RUFY4: variants seen among roughly 807,000 people sequenced by gnomAD.
RUFY4 encodes RUN and FYVE domain-containing protein 4.
A neutral mutation model predicts 69.0 loss-of-function variants in RUFY4; 73 were observed. The observed-to-expected ratio is 1.06, with a 90% CI of 0.88 to 1.29. RUFY4 has a LOEUF of 1.29. Ranked by LOEUF, RUFY4 falls within the 50% of genes most tolerant of loss-of-function variation. RUFY4 has a pLI of 0.00. For missense variants in RUFY4, 770 were observed against 705.6 expected, an observed-to-expected ratio of 1.09 and a Z score of -1.03; for synonymous variants, 287 against 271.8, an observed-to-expected ratio of 1.06 and a Z score of -0.55.
intron 3 of RUFY4, 35 bp from the exon 6 acceptor site, chr2:218,072,744 T>G: frequency 2.1e-6 from 3 of 1,457,920 alleles, no homozygotes; most frequent in Non-Finnish European, 2.7e-6. Flanking sequence ...TTTGTCCTAA[T>G]ACTGCTCCCC....
chr2:218,074,941 T>C (rs920524173), intron 6 of RUFY4, among the ~76,000 whole-genome samples, 152 bp from the exon 9 acceptor site: 1 of 152,088 alleles, frequency 6.6e-6, no homozygotes, highest in African/African-American at 2.4e-5. Flanking sequence ...AAAAGTCAGA[T>C]TTGGGGTTTG....
At chr2:218,060,595 A>T in intron 3 of RUFY4, 3 of 1,342,948 alleles carry the variant, frequency 2.2e-6, no homozygotes, top group Non-Finnish European at 3.2e-6. Flanking sequence ...GGTTCCCATG[A>T]GGGTGTCTGC....
Position 218,083,120 on chromosome 2 carries a change from G to A in RUFY4, c.1366G>A (p.Glu456Lys), listed in dbSNP as rs200129236. Residue 456 changes from glutamate (E) to lysine (K), a missense_variant, in exon 9 of 11, where the codon GAG becomes AAG. By Grantham distance (56) the Glu-to-Lys change is moderately conservative (BLOSUM62 1). Coordinates refer to ENST00000344321, the Ensembl canonical transcript of RUFY4. Reference sequence around the variant, plus strand: ...TCCTTCTGTACCCAGGTGTCAGGAAGAGAGAGCCGAGCTGCAGGCACAGCT... The same window carrying A: ...TCCTTCTGTACCCAGGTGTCAGGAAAAGAGAGCCGAGCTGCAGGCACAGCT... The A allele has an allele frequency of 4.7e-4, 763 of 1,613,196 alleles. 4 individuals are homozygous for A. The highest frequency in any genetic ancestry group is 1.4e-3 in the Middle Eastern group (8 of 5,622).
intron 2 of RUFY4, among the ~76,000 whole-genome samples, chr2:218,044,048 G>A (rs1473844706): frequency 3.3e-5 from 5 of 152,198 alleles, no homozygotes; most frequent in Non-Finnish European, 5.9e-5. Flanking sequence ...AGTGGGCACC[G>A]GGAGTGGGGA....
intron 2 of RUFY4, among the ~76,000 whole-genome samples, chr2:218,056,981 A>G (rs2106034932): frequency 6.6e-6 from 1 of 152,000 alleles, no homozygotes; most frequent in South Asian, 2.1e-4. Context: ...TGGGAGGCTG[A>G]GGCAGGCGAA....
At chr2:218,055,667 A>C (rs1196970038) in intron 2 of RUFY4, among the ~76,000 whole-genome samples, 20 of 152,214 alleles carry the variant, frequency 1.3e-4, no homozygotes, top group Non-Finnish European at 1.5e-5. Context: ...ACTAAGCAGG[A>C]AATTACTCTT....
At chr2:218,090,068 C>CA (rs770770250) in exon 11 of RUFY4, 2 of 1,504,516 alleles carry the variant, frequency 1.3e-6, no homozygotes, top group African/African-American at 2.8e-5. Flanking sequence ...AGACCAAGAC[C>CA]AGCCCATGAC....
At chr2:218,074,907 C>T (rs10932744) in intron 6 of RUFY4, among the ~76,000 whole-genome samples, 186 bp from the exon 9 acceptor site, 48,875 of 151,948 alleles carry the variant, frequency 0.32, 9,183 homozygotes, top group Middle Eastern at 0.5. Flanking sequence ...CAAAGCATGG[C>T]GCTCAGATCA....
chr2:218,090,041 C>A, exon 11 of RUFY4: 1 of 1,546,118 alleles, frequency 6.5e-7, no homozygotes, highest in South Asian at 1.2e-5. Flanking sequence ...GGAAGAGAAG[C>A]CCAGGTCACC....
chr2:218,069,901 C>T (rs543392197), upstream of RUFY4, among the ~76,000 whole-genome samples: 5 of 152,224 alleles, frequency 3.3e-5, no homozygotes, highest in African/African-American at 1.2e-4. Context: ...AGGATGAGAT[C>T]CCCCTGGAGA....
chr2:218,057,839 C>A (rs1440875963), intron 2 of RUFY4, among the ~76,000 whole-genome samples: 1 of 152,230 alleles, frequency 6.6e-6, no homozygotes, highest in East Asian at 1.9e-4. Context: ...TTAGCTTTGA[C>A]TTTAAACTAC....
upstream of RUFY4, among the ~76,000 whole-genome samples, chr2:218,067,075 G>A (rs1461524706): frequency 6.6e-6 from 1 of 152,138 alleles, no homozygotes; most frequent in Non-Finnish European, 1.5e-5. Flanking sequence ...TGTGAGATGA[G>A]AGAGGTCATT....
chr2:218,052,981 C>T lies in RUFY4; in HGVS notation c.-1157-5614C>T, dbSNP rs114657550. 3.2e-3 allele frequency among the ~76,000 whole-genome samples: 482 copies of T among 152,004 alleles called. 2 individuals carry two copies. The highest frequency in any genetic ancestry group is 0.011 in the African/African-American group (443 of 41,450). ...ATTATAGTTATTATTATTTCATAAA[C>T]ATAAGGCTCACCCTGTCACCCAGGC... On this transcript the variant is annotated intron_variant and NMD_transcript_variant, in intron 2 of 13. Coordinates refer to the RUFY4 transcript ENST00000457754.
chr2:218,079,247 C>T (rs1386621279), intron 8 of RUFY4, among the ~76,000 whole-genome samples: 2 of 152,204 alleles, frequency 1.3e-5, no homozygotes, highest in Non-Finnish European at 2.9e-5. Context: ...GAGGACCCTG[C>T]CATGCAGGGG....
chr2:218,080,629 G>A (rs1457874833), intron 8 of RUFY4, among the ~76,000 whole-genome samples: 1 of 152,206 alleles, frequency 6.6e-6, no homozygotes, highest in African/African-American at 2.4e-5. Context: ...TCAAGCCAAA[G>A]AAATTAGGAC....
chr2:218,059,798 T>G (rs1374287986), intron 3 of RUFY4: 1 of 166,820 alleles, frequency 6.0e-6, no homozygotes, highest in Non-Finnish European at 1.5e-5. Flanking sequence ...TACAAATATG[T>G]GTTCAAGTCC....
chr2:218,079,586 G>T (rs753652921), intron 8 of RUFY4, among the ~76,000 whole-genome samples: 1 of 152,046 alleles, frequency 6.6e-6, no homozygotes, highest in African/African-American at 2.4e-5. Flanking sequence ...GGAAGTGTGC[G>T]CTGGGAGATC....
At chr2:218,059,509 G>A (rs1048423601) in intron 3 of RUFY4, 7 of 166,754 alleles carry the variant, frequency 4.2e-5, no homozygotes, top group African/African-American at 1.7e-4. Flanking sequence ...TCATGTAAGT[G>A]GAATCATAAA....
At chr2:218,059,704 CCATTCATTCATT>C (rs141270511) in intron 3 of RUFY4, 1 of 166,632 alleles carries the variant, frequency 6.0e-6, no homozygotes, top group African/African-American at 2.4e-5. Context: ...TCTTGTTTAG[CCATTCATTCATT>C]CATTCATTGA....
Sources: gnomAD v4.1 joint callset for allele counts (sites outside exome capture counted in the v4.1 genomes callset) on GRCh38, gnomAD v4.1.1 for gene constraint, MANE v1.5 for transcripts, NCBI Gene and HGNC (gene_info 2026-07-23, HGNC 2026-07-21) for gene names.